Variants in GTF2H3 observed in about 807,000 individuals in gnomAD.
The protein encoded by GTF2H3 is TFIIH basal transcription factor complex p34 subunit.
A neutral mutation model predicts 51.1 loss-of-function variants in GTF2H3; 42 were observed. That is an observed-to-expected ratio of 0.82 (90% CI 0.64 to 1.06). GTF2H3 has a LOEUF of 1.06. GTF2H3 is among the 50% of genes least tolerant of loss of function. GTF2H3 has a pLI of 0.00. For missense variants in GTF2H3, 326 were observed against 366.1 expected (o/e 0.89, Z 0.89); for synonymous variants, 123 against 123.8 (o/e 0.99, Z 0.04).
intron 4 of GTF2H3, chr12:123,650,255 C>T (rs11572966): frequency 0.052 from 7,878 of 152,260 alleles, 265 homozygotes; most frequent in Non-Finnish European, 0.082. Context: ...TGACTTTTTT[C>T]ACCCAAGGCA....
At chr12:123,639,513 A>G (rs955840214) in intron 2 of GTF2H3, among the ~76,000 whole-genome samples, 170 bp downstream of exon 2, 1 of 152,104 alleles carries the variant, frequency 6.6e-6, no homozygotes, top group African/African-American at 2.4e-5. Flanking sequence ...AACCAGCCCC[A>G]CATTTCTGCT....
At chr12:123,649,153 A>G (rs1048659171) in intron 4 of GTF2H3, 1 of 151,962 alleles carries the variant, frequency 6.6e-6, no homozygotes, top group African/African-American at 2.4e-5. Flanking sequence ...TTTTTAGTAG[A>G]GATGGGGTTT....
intron 4 of GTF2H3, 60 bp from the exon 5 acceptor site, chr12:123,650,934 A>G (rs1012334262): frequency 8.4e-6 from 9 of 1,075,408 alleles, no homozygotes; most frequent in Admixed American, 7.0e-5. Flanking sequence ...AAAGCACCCA[A>G]TGATTTTAGT....
rs972246104 is a variant in GTF2H3, at chr12:123,649,442, A to G, written c.364+1316A>G. On this transcript the variant is annotated intron_variant, in intron 4 of 12. Coordinates refer to ENST00000543341, the MANE Select transcript of GTF2H3 (RefSeq NM_001516.5). ...GTGACAACCAGATATGTCTGTAGAC[A>G]TAGCCAGATGCCCCCTGTAGGGCAC... The G allele has an allele frequency of 4.3e-4, 66 of 152,334 alleles. 2 individuals carry two copies. Among genetic ancestry groups the G allele is most frequent in the Admixed American group, 4.3e-3 (65 of 15,278 alleles). 9.4% of individuals were successfully genotyped at this position (152,334 alleles called of 1,614,324 possible).
At chr12:123,657,781 C>A (rs950708412) in intron 9 of GTF2H3, among the ~76,000 whole-genome samples, 1 of 152,194 alleles carries the variant, frequency 6.6e-6, no homozygotes, top group Non-Finnish European at 1.5e-5. Flanking sequence ...ATGAATCTAA[C>A]GGACCAACTG....
intron 2 of GTF2H3, among the ~76,000 whole-genome samples, chr12:123,644,449 T>A (rs1348292216): frequency 6.6e-6 from 1 of 152,012 alleles, no homozygotes; most frequent in Non-Finnish European, 1.5e-5. Context: ...GGGCGGATCA[T>A]GAGGTAAAGA....
intron 7 of GTF2H3, among the ~76,000 whole-genome samples, chr12:123,653,888 G>A (rs188150108): frequency 2.6e-5 from 4 of 152,292 alleles, no homozygotes; most frequent in Admixed American, 2.6e-4. Context: ...GGTAATTAGA[G>A]AGCTGTGCAG....
Position 123,652,572 on chromosome 12 carries a change from A to G in GTF2H3, c.457+11A>G, listed in dbSNP as rs373533149. ...ACAAGGAAGTTAAAGGTAAGAGCCT[A>G]CGTTTTCCTATGAGAACTGTAATCC... On this transcript the variant is annotated intron_variant, in intron 6 of 12. Coordinates refer to ENST00000543341, the MANE Select transcript of GTF2H3 (RefSeq NM_001516.5). 1.2e-4 allele frequency: 173 copies of G among 1,500,704 alleles called. 2 individuals carry two copies. The highest frequency in any genetic ancestry group is 7.6e-5 in the Non-Finnish European group (83 of 1,097,584). The allele number at this position is 1,500,704 out of a possible 1,614,324, so 93.0% of individuals were successfully genotyped here.
chr12:123,635,667 C>T (rs945143404), intron 1 of GTF2H3, among the ~76,000 whole-genome samples: 2 of 152,058 alleles, frequency 1.3e-5, no homozygotes, highest in African/African-American at 4.8e-5. Flanking sequence ...CCTGCCTCGA[C>T]CTCCCAAAGT....
chr12:123,648,923 G>A (rs1182009723), intron 4 of GTF2H3: 1 of 152,466 alleles, frequency 6.6e-6, no homozygotes. Flanking sequence ...CAGAGTGCTG[G>A]GATTACAGGC....
At chr12:123,643,178 C>A (rs7295064) in intron 2 of GTF2H3, among the ~76,000 whole-genome samples, 10,147 of 152,142 alleles carry the variant, frequency 0.067, 1,114 homozygotes, top group African/African-American at 0.23. Context: ...ACGCCCGGCC[C>A]AACCATACTC....
intron 3 of GTF2H3, 151 bp from the exon 4 acceptor site, chr12:123,647,811 AT>A (rs1335117194): frequency 3.3e-5 from 16 of 490,124 alleles, no homozygotes; most frequent in South Asian, 5.1e-5. Flanking sequence ...TATCTTACAC[AT>A]TTTTTTTAAA....
chr12:123,647,378 A>G (rs1955462460), intron 3 of GTF2H3, among the ~76,000 whole-genome samples: 1 of 151,826 alleles, frequency 6.6e-6, no homozygotes, highest in Non-Finnish European at 1.5e-5. Context: ...AGGCTGAGGC[A>G]CGAGAATCAC....
At chr12:123,648,250 C>A (rs11572960) in intron 4 of GTF2H3, 124 bp downstream of exon 4, 6,784 of 633,970 alleles carry the variant, frequency 0.011, 72 homozygotes, top group Non-Finnish European at 0.013. Flanking sequence ...TTTTAAAAAT[C>A]ATTTTCGTCA....
chr12:123,653,937 T>C (rs1955551474), intron 7 of GTF2H3, among the ~76,000 whole-genome samples: 1 of 152,196 alleles, frequency 6.6e-6, no homozygotes, highest in Non-Finnish European at 1.5e-5. Context: ...TGTTTAAAAC[T>C]GAGAACTGGA....
rs760400358 is a variant in GTF2H3, at chr12:123,648,042, T to C, written c.280T>C (p.Ser94Pro). ...DPGNPPEFNP[S>P]GSKDGKYELL... ...TGGCAACCCTCCTGAATTTAATCCC[T>C]CTGGGAGTAAAGATGGAAAATACGA... The change falls in exon 4 of 13, where the codon TCT becomes CCT. Residue 94 changes from serine to proline, a missense_variant. Coordinates refer to ENST00000543341, the MANE Select transcript of GTF2H3 (RefSeq NM_001516.5). 1 of 1,608,486 alleles carries C rather than the reference T, an allele frequency of 6.2e-7. No homozygotes were observed. Among genetic ancestry groups the C allele is most frequent in the East Asian group, 2.2e-5 (1 of 44,852 alleles).
At chr12:123,659,731 G>GC (rs1955631451) in intron 10 of GTF2H3, 64 bp from the exon 11 acceptor site, 2 of 1,544,802 alleles carry the variant, frequency 1.3e-6, no homozygotes, top group African/African-American at 2.8e-5. Flanking sequence ...CTAGAAGGGT[G>GC]GGCTTCATGT....
chr12:123,637,975 G>T (rs976295915), intron 1 of GTF2H3, among the ~76,000 whole-genome samples: 13 of 151,068 alleles, frequency 8.6e-5, no homozygotes, highest in African/African-American at 3.2e-4. Flanking sequence ...TCAGAATGCA[G>T]TAGGTGGTTT....
chr12:123,656,135 C>T (rs561632898), intron 9 of GTF2H3: 18 of 236,416 alleles, frequency 7.6e-5, no homozygotes, highest in Non-Finnish European at 1.1e-4. Context: ...GTTTTTTGGC[C>T]ACAAATGTTG....
Sources: allele counts gnomAD v4.1 joint callset (sites outside exome capture counted in the v4.1 genomes callset), GRCh38; gene constraint gnomAD v4.1.1; transcripts MANE v1.5; gene names NCBI Gene and HGNC (gene_info 2026-07-23, HGNC 2026-07-21).